SEMA3A: variants seen among roughly 807,000 people sequenced by gnomAD.
SEMA3A encodes the protein semaphorin-3A.
SEMA3A carries 29 observed loss-of-function variants against 97.9 expected under a neutral mutation model. That is an observed-to-expected ratio of 0.30 (90% confidence interval 0.22 to 0.40). The LOEUF (loss-of-function observed/expected upper bound fraction) is 0.40. SEMA3A is among the 10% of genes least tolerant of loss of function. The pLI is 1.00. For synonymous variants in SEMA3A, 321 were observed against 323.7 expected, an observed-to-expected ratio of 0.99 and a Z score of 0.09; for missense variants, 763 against 951.3, an observed-to-expected ratio of 0.80 and a Z score of 2.60.
At chr7:84,140,194 A>G (rs1231550327) in intron 1 of SEMA3A, among the ~76,000 whole-genome samples, 1 of 152,112 alleles carries the variant, frequency 6.6e-6, no homozygotes, top group African/African-American at 2.4e-5. Context: ...ACCCCTACAT[A>G]CCAAGACTGT....
At chr7:84,219,676 CT>C (rs1465962829) in intron 3 of SEMA3A, among the ~76,000 whole-genome samples, 4 of 152,170 alleles carry the variant, frequency 2.6e-5, no homozygotes, top group African/African-American at 9.7e-5. Flanking sequence ...CTAAAAATTG[CT>C]AAGAATCATC....
chr7:84,485,085 T>C (rs182490448), intron 1 of SEMA3A, among the ~76,000 whole-genome samples: 8 of 152,312 alleles, frequency 5.3e-5, no homozygotes, highest in East Asian at 3.9e-4. Flanking sequence ...TTTGTTAATA[T>C]AGAGATTACA....
At position 83,956,708 on chromosome 7, in the gene SEMA3A, TTTTC is replaced by T. The variant is rs1179892711; in HGVS notation, c.*4659_*4662del. On this transcript the variant is annotated 3_prime_UTR_variant, in exon 17 of 17. Transcript: ENST00000265362. ...GACTCATAGTAGTGGGACATTTAAC[TTTTC>T]TTTATGAAACCTGTGTTTTATCTGT... is the stretch of plus-strand genomic sequence containing the variant. 1 of 152,082 alleles carries T rather than the reference TTTTC, an allele frequency of 6.6e-6. No homozygotes were observed. The highest frequency in any genetic ancestry group is 1.5e-5 in the Non-Finnish European group (1 of 67,966). The allele number at this position is 152,082 out of a possible 1,614,324, so 9.4% of individuals were successfully genotyped here.
chr7:84,200,072 C>A (rs1798317752), upstream of SEMA3A, among the ~76,000 whole-genome samples: 1 of 151,962 alleles, frequency 6.6e-6, no homozygotes, highest in African/African-American at 2.4e-5. Context: ...CCCACCCCTC[C>A]ATGCCCTGAC....
At chr7:84,052,457 G>C (rs1446035303) in intron 5 of SEMA3A, among the ~76,000 whole-genome samples, 1 of 152,098 alleles carries the variant, frequency 6.6e-6, no homozygotes, top group Admixed American at 6.5e-5. Context: ...TATGTGTCGA[G>C]GAATTTATCC....
At chr7:84,229,973 A>T (rs983757411) in intron 3 of SEMA3A, among the ~76,000 whole-genome samples, 1 of 151,886 alleles carries the variant, frequency 6.6e-6, no homozygotes, top group African/African-American at 2.4e-5. Context: ...ACTGGCTCTG[A>T]TCTTACCCCC....
At chr7:84,210,747 G>A (rs1181707349) in intron 3 of SEMA3A, among the ~76,000 whole-genome samples, 1 of 151,132 alleles carries the variant, frequency 6.6e-6, no homozygotes, top group Non-Finnish European at 1.5e-5. Context: ...TTTTTTTTTA[G>A]AAAAGGTATT....
chr7:84,223,327 ATG>A (rs776371415), intron 3 of SEMA3A, among the ~76,000 whole-genome samples: 2 of 151,804 alleles, frequency 1.3e-5, no homozygotes, highest in South Asian at 4.2e-4. Flanking sequence ...ATGCATGTAA[ATG>A]TGTGTGTGTG....
chr7:84,040,951 C>T (rs6966628), intron 6 of SEMA3A, among the ~76,000 whole-genome samples: 45,535 of 151,828 alleles, frequency 0.3, 7,681 homozygotes, highest in East Asian at 0.61. Context: ...ATCTTAGATT[C>T]CTACTCTCAT....
At chr7:84,001,853 T>G in intron 12 of SEMA3A, 102 bp downstream of exon 12, 1 of 649,144 alleles carries the variant, frequency 1.5e-6, no homozygotes, top group Non-Finnish European at 2.6e-6. Context: ...TAGAAGGGTA[T>G]GTATGCTAGA....
intron 1 of SEMA3A, among the ~76,000 whole-genome samples, chr7:84,463,234 A>ATTT (rs1156790369): frequency 4.8e-5 from 3 of 62,062 alleles, no homozygotes; most frequent in African/African-American, 7.6e-5. Context: ...TTTTGTAACT[A>ATTT]TTCTTTTTTT....
chr7:84,407,399 C>A (rs1478434094), intron 1 of SEMA3A, among the ~76,000 whole-genome samples: 2 of 152,052 alleles, frequency 1.3e-5, no homozygotes, highest in Non-Finnish European at 2.9e-5. Flanking sequence ...AAAGAGGATA[C>A]AAACAAATGG....
chr7:84,382,859 CAG>C (rs1410659291), intron 1 of SEMA3A, among the ~76,000 whole-genome samples: 1 of 152,000 alleles, frequency 6.6e-6, no homozygotes, highest in African/African-American at 2.4e-5. Flanking sequence ...GCCTGGGTGA[CAG>C]AGCGAGACTC....
Position 84,383,130 on chromosome 7 carries a change from C to T in SEMA3A, c.-245-11230G>A, listed in dbSNP as rs139821215. On this transcript the variant is annotated intron_variant, in intron 1 of 3. Transcript: ENST00000424555. ...GAATAAAAAAGAAATAACAAAGAAA[C>T]CTTCTTCTACATTGCAAGCTATTAA... Among the ~76,000 whole-genome samples the T allele has an allele frequency of 4.1e-3, 617 of 152,054 alleles. 5 individuals are homozygous for T. The highest frequency in any genetic ancestry group is 0.014 in the African/African-American group (589 of 41,500).
intron 2 of SEMA3A, among the ~76,000 whole-genome samples, chr7:84,358,928 G>GCTCT: frequency 6.6e-6 from 1 of 151,716 alleles, no homozygotes. Context: ...TCATGATTTG[G>GCTCT]CTGTTTGTCT....
At chr7:84,395,598 G>C (rs1803710346) in intron 1 of SEMA3A, among the ~76,000 whole-genome samples, 1 of 128,608 alleles carries the variant, frequency 7.8e-6, no homozygotes, top group Non-Finnish European at 1.6e-5. Flanking sequence ...ATCATGGGGG[G>C]AGATAATTGA....
chr7:84,475,368 T>C (rs1457893948), intron 1 of SEMA3A, among the ~76,000 whole-genome samples: 1 of 152,072 alleles, frequency 6.6e-6, no homozygotes, highest in Non-Finnish European at 1.5e-5. Context: ...TTTGGAGTGG[T>C]GGTGGTTTGT....
intron 1 of SEMA3A, among the ~76,000 whole-genome samples, chr7:84,393,842 A>AGGT (rs1347209301): frequency 6.6e-6 from 1 of 152,114 alleles, no homozygotes; most frequent in Non-Finnish European, 1.5e-5. Flanking sequence ...GAACTACTGT[A>AGGT]GGTACCATTA....
rs4732555 is a variant in SEMA3A at position 84,478,717 on chromosome 7, G to T, written c.-246+13743C>A. Among the ~76,000 whole-genome samples, 2,034 of 151,600 alleles carry T rather than the reference G, an allele frequency of 0.013. 96 individuals carry two copies. In the East Asian group the frequency reaches 0.16, roughly 12 times the overall value. On this transcript the variant is annotated intron_variant, in intron 1 of 3. Coordinates refer to the SEMA3A transcript ENST00000424555. ...ATCTAAAGTGTTATGTTTAAAGAAA[G>T]GAATTTCATTTATTCTTTTTCTCTG...
Sources: allele counts gnomAD v4.1 joint callset (sites outside exome capture counted in the v4.1 genomes callset), GRCh38; gene constraint gnomAD v4.1.1; transcripts MANE v1.5; gene names NCBI Gene and HGNC (gene_info 2026-07-23, HGNC 2026-07-21).